The following PPP2R1B variants were observed in gnomAD, a reference collection of about 807,000 sequenced individuals.
PPP2R1B encodes serine/threonine-protein phosphatase 2A 65 kDa regulatory subunit A beta isoform.
Under a neutral mutation model 72.7 loss-of-function variants are expected in PPP2R1B, and 58 were observed. The observed-to-expected ratio is 0.80, with a 90% CI of 0.65 to 0.99. The LOEUF (loss-of-function observed/expected upper bound fraction) is 0.99. PPP2R1B is among the 50% of genes least tolerant of loss of function. PPP2R1B has a pLI of 0.00. For missense variants in PPP2R1B, 695 were observed against 733.6 expected (o/e 0.95, Z 0.61); for synonymous variants, 256 against 264.6 (o/e 0.97, Z 0.32).
At chr11:111,713,449 G>A in the PPP2R1B span, among the ~76,000 whole-genome samples, 1 of 152,078 alleles carries the variant, frequency 6.6e-6, no homozygotes, top group Non-Finnish European at 1.5e-5. Flanking sequence ...TATAAAAGGA[G>A]AACACCAACT....
chr11:111,731,442 C>A (rs1169163081), intron 15 of PPP2R1B, among the ~76,000 whole-genome samples: 1 of 152,266 alleles, frequency 6.6e-6, no homozygotes, highest in African/African-American at 2.4e-5. Context: ...CAGCTCCACG[C>A]CCTCAGGGTG....
At chr11:111,722,688 C>T, downstream of PPP2R1B, 2 of 1,613,972 alleles carry the variant, frequency 1.2e-6, no homozygotes, top group East Asian at 4.5e-5. This position sits in a 1 kb window ranked among gnomAD's most constrained non-coding sequence, Gnocchi z 4.4. Flanking sequence ...TGTCAAAGGC[C>T]CAGAACACCT....
At chr11:111,692,388 A>AAAAAAAAAAAAAAAAAAAAAAAAC in the PPP2R1B span, among the ~76,000 whole-genome samples, 2 of 110,916 alleles carry the variant, frequency 1.8e-5, 1 homozygote. Flanking sequence ...AAAAAAAAAA[A>AAAAAAAAAAAAAAAAAAAAAAAAC]CACAAAAAGG....
chr11:111,691,288 A>C, the PPP2R1B span, among the ~76,000 whole-genome samples: 1 of 152,196 alleles, frequency 6.6e-6, no homozygotes, highest in Non-Finnish European at 1.5e-5. Context: ...AGATTGGTGA[A>C]GTTCTCTCTG....
the PPP2R1B span, chr11:111,720,366 T>C: frequency 8.8e-7 from 1 of 1,138,608 alleles, no homozygotes; most frequent in Non-Finnish European, 1.2e-6. Context: ...ATGTTTTGAT[T>C]GGAAATTAAG....
the PPP2R1B span, chr11:111,703,298 G>A: frequency 1.9e-6 from 3 of 1,614,172 alleles, no homozygotes; most frequent in African/African-American, 1.3e-5. Flanking sequence ...GCTCATAGAA[G>A]TTCCTGTCCA....
the PPP2R1B span, among the ~76,000 whole-genome samples, chr11:111,711,947 C>T: frequency 3.9e-5 from 6 of 152,336 alleles, no homozygotes; most frequent in African/African-American, 1.4e-4. Flanking sequence ...CTAGCTTTCT[C>T]GTCACCTGCG....
At chr11:111,720,563 C>G in the PPP2R1B span, 2 of 1,614,042 alleles carry the variant, frequency 1.2e-6, no homozygotes, top group African/African-American at 2.7e-5. Context: ...GGGACCTGAA[C>G]TTTCTGGAAG....
At chr11:111,735,807 C>T (rs1257780028), downstream of PPP2R1B, among the ~76,000 whole-genome samples, 3 of 152,216 alleles carry the variant, frequency 2.0e-5, no homozygotes, top group East Asian at 1.9e-4. Context: ...AAGTCCACTA[C>T]GCACCCTAGA....
At chr11:111,688,002 C>T in the PPP2R1B span, 30 of 1,613,908 alleles carry the variant, frequency 1.9e-5, no homozygotes, top group African/African-American at 3.9e-4. The surrounding 1 kb of genome is among the most constrained non-coding windows in gnomAD (Gnocchi z 4.2). Flanking sequence ...CATTTACAGA[C>T]TATCTTGCTA....
chr11:111,714,201 T>C, the PPP2R1B span, among the ~76,000 whole-genome samples: 7 of 151,974 alleles, frequency 4.6e-5, no homozygotes, highest in Non-Finnish European at 2.9e-5. Flanking sequence ...TCCATCTCCA[T>C]AGAGAAGGGT....
intron 2 of PPP2R1B, among the ~76,000 whole-genome samples, 182 bp downstream of exon 2, chr11:111,765,112 T>C (rs116342497): frequency 0.011 from 1,630 of 152,342 alleles, 30 homozygotes; most frequent in African/African-American, 0.036. Context: ...TTACTTTCAA[T>C]AGCTAAATGG....
the PPP2R1B span, among the ~76,000 whole-genome samples, chr11:111,692,537 G>GA: frequency 1.3e-5 from 2 of 152,054 alleles, no homozygotes; most frequent in African/African-American, 2.4e-5. Context: ...AGAATGATAG[G>GA]AAAAAAGCCA....
downstream of PPP2R1B, chr11:111,737,342 G>A (rs1465892247): frequency 1.3e-6 from 2 of 1,528,472 alleles, no homozygotes. Context: ...CAAAGTGAGA[G>A]GTGCTGCTTC....
the PPP2R1B span, among the ~76,000 whole-genome samples, chr11:111,710,913 C>A: frequency 2.6e-5 from 4 of 152,086 alleles, no homozygotes; most frequent in African/African-American, 9.7e-5. Flanking sequence ...TAACTATAGC[C>A]GGAAAAATAC....
At chr11:111,722,252 C>A (rs1029060659), downstream of PPP2R1B, among the ~76,000 whole-genome samples, 3 of 152,078 alleles carry the variant, frequency 2.0e-5, no homozygotes, top group Non-Finnish European at 2.9e-5. This position sits in a 1 kb window ranked among gnomAD's most constrained non-coding sequence, Gnocchi z 4.4. Context: ...AAAATGAAAA[C>A]CTTAAGTCTG....
chr11:111,758,455 T>C (rs1945204726), intron 5 of PPP2R1B, among the ~76,000 whole-genome samples: 1 of 152,120 alleles, frequency 6.6e-6, no homozygotes, highest in Non-Finnish European at 1.5e-5. Context: ...CTTGGCGTGG[T>C]GGCATGCGCC....
At position 111,740,279 on chromosome 11, in the gene PPP2R1B, G is replaced by A. The variant is rs1944474943; in HGVS notation, c.*1317C>T. The A allele has an allele frequency of 3.2e-6, 3 of 942,712 alleles. No homozygotes were observed. In the South Asian group the frequency reaches 1.5e-4, roughly 46 times the overall value. The allele number at this position is 942,712 out of a possible 1,614,324, so 58.4% of individuals were successfully genotyped here. ...ATGGCCCAGGCTAGAGTGCAGTGGC[G>A]CGATCTCGGCTCAGTGCAACCTCTA... On this transcript the variant is annotated 3_prime_UTR_variant, in exon 15 of 15. Transcript: ENST00000527614.
chr11:111,721,652 A>G, the PPP2R1B span, among the ~76,000 whole-genome samples: 4 of 152,218 alleles, frequency 2.6e-5, no homozygotes, highest in Non-Finnish European at 4.4e-5. Context: ...TAATACATGC[A>G]TAAATGTTCT....
Sources: allele counts gnomAD v4.1 joint callset (sites outside exome capture counted in the v4.1 genomes callset), GRCh38; gene constraint gnomAD v4.1.1; non-coding constraint Gnocchi (gnomAD v3.1); transcripts MANE v1.5; gene names NCBI Gene and HGNC (gene_info 2026-07-23, HGNC 2026-07-21).